SH3RF1: variants seen among roughly 807,000 people sequenced by gnomAD.
SH3RF1 encodes the protein SH3 domain containing ring finger 1.
SH3RF1 carries 32 observed loss-of-function variants against 74.0 expected under a neutral mutation model. That is an observed-to-expected ratio of 0.43 (90% CI 0.33 to 0.58). SH3RF1 has a LOEUF of 0.58. SH3RF1 is among the 20% of genes least tolerant of loss of function. The pLI is 0.05. For missense variants in SH3RF1, 954 were observed against 1,130.9 expected, an observed-to-expected ratio of 0.84 and a Z score of 2.24; for synonymous variants, 396 against 439.6, an observed-to-expected ratio of 0.90 and a Z score of 1.24.
At position 169,116,445 on chromosome 4, in the gene SH3RF1, G is replaced by A. The variant is rs144745847; in HGVS notation, c.1963C>T (p.Pro655Ser). The change falls in exon 10 of 12, where the codon CCT becomes TCT. Residue 655 changes from proline (P) to serine (S), a missense_variant. Around this residue, in one of 3 missense-constraint regions of SH3RF1, gnomAD observed 854 missense variants for 962.5 expected, o/e 0.89. Transcript: ENST00000284637. ...GGAGCAGCTGCTGCACAGGCCAGAG[G>A]GGCACTGGCTCGACTGATACTGATG... ...AAISISRASA[P>S]LACAAAAPLT... 8.5e-5 allele frequency: 138 copies of A among 1,614,104 alleles called. 2 individuals carry two copies. The African/African-American group carries it at 1.3e-3, about 15-fold the overall frequency.
intron 2 of SH3RF1, among the ~76,000 whole-genome samples, chr4:169,196,832 A>G (rs1734820831): frequency 6.6e-6 from 1 of 151,990 alleles, no homozygotes; most frequent in African/African-American, 2.4e-5. Context: ...ATCACCTTAA[A>G]CCCTATAACT....
intron 11 of SH3RF1, among the ~76,000 whole-genome samples, chr4:169,098,177 C>G (rs943763576): frequency 1.3e-5 from 2 of 152,230 alleles, no homozygotes; most frequent in African/African-American, 4.8e-5. Context: ...TTGGGCGTAA[C>G]TGGTTACATG....
chr4:169,240,353 T>G (rs1014999664), intron 2 of SH3RF1, among the ~76,000 whole-genome samples: 1 of 151,830 alleles, frequency 6.6e-6, no homozygotes, highest in Non-Finnish European at 1.5e-5. Flanking sequence ...CAAACCACCA[T>G]GCCCGCCTGA....
intron 2 of SH3RF1, among the ~76,000 whole-genome samples, chr4:169,164,747 C>A (rs904942534): frequency 6.6e-6 from 1 of 152,112 alleles, no homozygotes; most frequent in East Asian, 1.9e-4. Context: ...AAGCAAATGG[C>A]TGGCATTTGA....
At position 169,156,683 on chromosome 4, in the gene SH3RF1, T is replaced by TAA; in HGVS notation, c.394-6_394-5dup. ...CACATGGTAACTGAGGTATACCCTT[T>TAA]AAAAAAAAAAGAGGGATGAATTTTA... On this transcript the variant is annotated splice_region_variant and splice_polypyrimidine_tract_variant and intron_variant, in intron 2 of 11. Transcript: ENST00000284637. 27 of 1,332,422 alleles carry TAA rather than the reference T, an allele frequency of 2.0e-5. No homozygotes were observed. Among genetic ancestry groups the TAA allele is most frequent in the South Asian group, 5.9e-5 (4 of 67,772 alleles). The allele number at this position is 1,332,422 out of a possible 1,614,324, so 82.5% of individuals were successfully genotyped here.
At chr4:169,108,725 G>T (rs919906253) in intron 10 of SH3RF1, among the ~76,000 whole-genome samples, 2 of 152,316 alleles carry the variant, frequency 1.3e-5, no homozygotes, top group African/African-American at 4.8e-5. Flanking sequence ...CACATTTTCC[G>T]TGGGGCTACT....
chr4:169,199,829 A>T (rs938762801), intron 2 of SH3RF1, among the ~76,000 whole-genome samples: 2 of 152,326 alleles, frequency 1.3e-5, no homozygotes, highest in Non-Finnish European at 2.9e-5. Context: ...TAACAACATC[A>T]AACATTCAGC....
intron 2 of SH3RF1, among the ~76,000 whole-genome samples, chr4:169,196,841 C>T (rs1041395428): frequency 6.6e-6 from 1 of 152,090 alleles, no homozygotes; most frequent in African/African-American, 2.4e-5. Flanking sequence ...AACCCTATAA[C>T]TTAATCTATG....
intron 2 of SH3RF1, among the ~76,000 whole-genome samples, chr4:169,202,252 T>A (rs1163993093): frequency 6.6e-6 from 1 of 152,196 alleles, no homozygotes; most frequent in Non-Finnish European, 1.5e-5. Context: ...GGCCCTAACA[T>A]AAACTGTTTC....
At chr4:169,111,518 G>A (rs1733245664) in intron 10 of SH3RF1, among the ~76,000 whole-genome samples, 1 of 151,628 alleles carries the variant, frequency 6.6e-6, no homozygotes, top group African/African-American at 2.4e-5. Flanking sequence ...GCCCACCCTG[G>A]TCTCCCAAAC....
At chr4:169,264,943 C>T (rs1447184339) in intron 2 of SH3RF1, among the ~76,000 whole-genome samples, 1 of 152,224 alleles carries the variant, frequency 6.6e-6, no homozygotes, top group Non-Finnish European at 1.5e-5. Flanking sequence ...GCCCAGCCCC[C>T]ATTCCCTAAT....
chr4:169,117,458 A>G, intron 9 of SH3RF1, 65 bp downstream of exon 9: 1 of 1,577,376 alleles, frequency 6.3e-7, no homozygotes, highest in Non-Finnish European at 8.7e-7. Context: ...ATCTGTCATA[A>G]AAGATCTACT....
intron 6 of SH3RF1, among the ~76,000 whole-genome samples, chr4:169,129,346 C>T (rs910920966): frequency 7.2e-5 from 11 of 152,154 alleles, no homozygotes; most frequent in African/African-American, 2.7e-4. Context: ...TCTCTACTAC[C>T]GAAGGTTGCA....
At chr4:169,135,608 T>C (rs1733686990) in intron 5 of SH3RF1, among the ~76,000 whole-genome samples, 1 of 152,168 alleles carries the variant, frequency 6.6e-6, no homozygotes, top group Non-Finnish European at 1.5e-5. Flanking sequence ...CACAGCAAAT[T>C]GCTATATTTT....
At chr4:169,240,115 G>A (rs1394815867) in intron 2 of SH3RF1, among the ~76,000 whole-genome samples, 2 of 152,056 alleles carry the variant, frequency 1.3e-5, no homozygotes, top group Non-Finnish European at 2.9e-5. Context: ...AAGTCACCAA[G>A]GTATTTCTTA....
At chr4:169,147,991 C>G (rs1255519341) in intron 4 of SH3RF1, among the ~76,000 whole-genome samples, 2 of 140,752 alleles carry the variant, frequency 1.4e-5, no homozygotes, top group Middle Eastern at 3.6e-3. Flanking sequence ...ATTAAAATAT[C>G]ATGGTTTTAA....
At chr4:169,100,183 A>AGGGGTTT (rs1472747023) in intron 11 of SH3RF1, among the ~76,000 whole-genome samples, 1 of 152,184 alleles carries the variant, frequency 6.6e-6, no homozygotes, top group Non-Finnish European at 1.5e-5. Context: ...TTATATGAAC[A>AGGGGTTT]GGGGTTTGGG....
At chr4:169,203,279 G>A (rs1016516186) in intron 2 of SH3RF1, among the ~76,000 whole-genome samples, 3 of 152,240 alleles carry the variant, frequency 2.0e-5, no homozygotes, top group African/African-American at 4.8e-5. Flanking sequence ...GGCCAAGCAC[G>A]GTGGCTTATG....
chr4:169,192,105 GACAACCC>G (rs1483265724), intron 2 of SH3RF1, among the ~76,000 whole-genome samples: 3 of 152,118 alleles, frequency 2.0e-5, no homozygotes, highest in Admixed American at 2.0e-4. Flanking sequence ...AGAGTAAACA[GACAACCC>G]ACAGAGTGGG....
Sources: allele counts gnomAD v4.1 joint callset (sites outside exome capture counted in the v4.1 genomes callset), GRCh38; gene constraint gnomAD v4.1.1; regional missense constraint gnomAD v4.1.1; transcripts MANE v1.5; gene names NCBI Gene and HGNC (gene_info 2026-07-23, HGNC 2026-07-21).